DLG2: variants seen among roughly 807,000 people sequenced by gnomAD.
DLG2 encodes discs large MAGUK scaffold protein 2, also known as disks large homolog 2.
DLG2 carries 45 observed loss-of-function variants against 132.5 expected under a neutral mutation model. The ratio of observed to expected loss-of-function variants is 0.34; its 90% CI spans 0.27 to 0.44. The LOEUF is 0.44. Ranked by LOEUF, DLG2 falls within the 20% of genes least tolerant of loss-of-function variation. The pLI, the probability that DLG2 is intolerant of heterozygous loss-of-function variation, is 1.00. For synonymous variants in DLG2, 424 were observed against 419.6 expected, an observed-to-expected ratio of 1.01 and a Z score of -0.13; for missense variants, 1,045 against 1,196.9, an observed-to-expected ratio of 0.87 and a Z score of 1.87.
chr11:83,877,311 C>A (rs1216774573), intron 15 of DLG2, among the ~76,000 whole-genome samples: 1 of 151,980 alleles, frequency 6.6e-6, no homozygotes, highest in Admixed American at 6.6e-5. Flanking sequence ...AATTGTATAT[C>A]TTTTGTGCAA....
intron 7 of DLG2, among the ~76,000 whole-genome samples, chr11:84,517,511 T>C (rs554528677): frequency 2.0e-5 from 3 of 152,068 alleles, no homozygotes; most frequent in Admixed American, 2.0e-4. Context: ...CTGGCAAGGA[T>C]GTGGAAAAAA....
At position 85,456,832 on chromosome 11, in the gene DLG2, GGTTGGTATGAT is replaced by G. The variant is rs1409670654; in HGVS notation, c.40+141814_40+141824del. ...TTATTGTACTGTGATCTGAAAGTGT[GGTTGGTATGAT>G]ATCAATTGTTTTGAATTTGCCAAGG... On this transcript the variant is annotated intron_variant, in intron 3 of 27. Coordinates refer to ENST00000376104, the MANE Select transcript of DLG2 (RefSeq NM_001142699.3). 9.8e-5 allele frequency among the ~76,000 whole-genome samples: 15 copies of G among 152,286 alleles called. 1 individual carries two copies. Among genetic ancestry groups the G allele is most frequent in the African/African-American group, 3.4e-4 (14 of 41,558 alleles).
intron 6 of DLG2, among the ~76,000 whole-genome samples, chr11:84,570,779 AT>A (rs985090553): frequency 6.6e-6 from 1 of 152,116 alleles, no homozygotes. Flanking sequence ...TAGAAAATAT[AT>A]TTTGGTGCCT....
At chr11:85,466,265 G>C (rs1357492716) in intron 3 of DLG2, among the ~76,000 whole-genome samples, 2 of 152,188 alleles carry the variant, frequency 1.3e-5, no homozygotes. Context: ...TAGGTTGCCT[G>C]TTCACTCTGA....
intron 16 of DLG2, among the ~76,000 whole-genome samples, chr11:83,856,379 C>T (rs1246002898): frequency 6.6e-6 from 1 of 152,144 alleles, no homozygotes; most frequent in East Asian, 1.9e-4. Flanking sequence ...AATGGTATTT[C>T]TGACTCTAGG....
intron 6 of DLG2, among the ~76,000 whole-genome samples, chr11:84,873,778 A>G (rs947310516): frequency 9.9e-5 from 15 of 152,222 alleles, no homozygotes; most frequent in African/African-American, 3.6e-4. Context: ...CTCTTTAACC[A>G]TCTTTCCTGA....
chr11:84,603,043 A>T (rs957306813), intron 6 of DLG2, among the ~76,000 whole-genome samples: 1 of 152,028 alleles, frequency 6.6e-6, no homozygotes, highest in Non-Finnish European at 1.5e-5. Context: ...AGAATAAAAT[A>T]CTGAAAAATG....
chr11:84,537,015 A>T (rs2099357080), intron 6 of DLG2, among the ~76,000 whole-genome samples: 1 of 152,064 alleles, frequency 6.6e-6, no homozygotes, highest in Non-Finnish European at 1.5e-5. Context: ...GAAAACTTCC[A>T]ATGGCTCACA....
intron 11 of DLG2, among the ~76,000 whole-genome samples, chr11:84,045,986 T>A (rs549792426): frequency 1.5e-4 from 22 of 151,362 alleles, no homozygotes; most frequent in African/African-American, 5.3e-4. Flanking sequence ...GAAAAAAAAA[T>A]CCAGTGATGG....
chr11:84,110,537 G>A (rs1397413866), intron 9 of DLG2, among the ~76,000 whole-genome samples: 1 of 152,126 alleles, frequency 6.6e-6, no homozygotes, highest in Non-Finnish European at 1.5e-5. Flanking sequence ...AGGAAAATGG[G>A]GAAGCATCCA....
At chr11:85,402,940 C>T (rs1285332951) in intron 3 of DLG2, among the ~76,000 whole-genome samples, 1 of 152,126 alleles carries the variant, frequency 6.6e-6, no homozygotes, top group Admixed American at 6.6e-5. Flanking sequence ...GTGGCAATTC[C>T]TCAAGGATCT....
At chr11:84,296,964 G>A (rs573148967) in intron 7 of DLG2, among the ~76,000 whole-genome samples, 2 of 151,992 alleles carry the variant, frequency 1.3e-5, no homozygotes, top group African/African-American at 4.8e-5. Context: ...CTAAAGAGGG[G>A]GGAAAGGGTC....
At chr11:85,509,381 C>A (rs2094006289) in intron 3 of DLG2, among the ~76,000 whole-genome samples, 1 of 151,946 alleles carries the variant, frequency 6.6e-6, no homozygotes, top group African/African-American at 2.4e-5. Context: ...AAGGAATTCT[C>A]AAAAGTTGGG....
At chr11:83,834,235 C>A (rs1197605726) in intron 16 of DLG2, among the ~76,000 whole-genome samples, 1 of 152,072 alleles carries the variant, frequency 6.6e-6, no homozygotes, top group African/African-American at 2.4e-5. Flanking sequence ...CCATGGGGCT[C>A]ATTAGAAGAT....
intron 3 of DLG2, among the ~76,000 whole-genome samples, chr11:85,425,463 A>T (rs566511307): frequency 1.3e-5 from 2 of 152,162 alleles, no homozygotes; most frequent in South Asian, 2.1e-4. Context: ...TTTATACCCA[A>T]TGTTTTTGAG....
intron 3 of DLG2, among the ~76,000 whole-genome samples, chr11:85,397,660 C>G (rs1273453998): frequency 1.3e-5 from 2 of 152,028 alleles, no homozygotes; most frequent in Admixed American, 1.3e-4. Context: ...TTTAAACCAA[C>G]AAAGATCAAA....
At chr11:84,794,067 AT>A (rs1294253632) in intron 6 of DLG2, among the ~76,000 whole-genome samples, 1 of 151,944 alleles carries the variant, frequency 6.6e-6, no homozygotes, top group Non-Finnish European at 1.5e-5. Context: ...TATCTGTTGT[AT>A]GTTTTTTGAT....
intron 17 of DLG2, among the ~76,000 whole-genome samples, chr11:83,826,708 A>G (rs2052899872): frequency 1.3e-5 from 2 of 152,186 alleles, no homozygotes; most frequent in South Asian, 2.1e-4. Flanking sequence ...GTCCTGGCTG[A>G]TACAGTACCT....
chr11:84,024,471 C>T (rs746750889), intron 11 of DLG2, among the ~76,000 whole-genome samples: 11 of 152,048 alleles, frequency 7.2e-5, no homozygotes, highest in Non-Finnish European at 1.2e-4. Flanking sequence ...CTCATGTTCA[C>T]GGAAACAATG....
Sources: allele counts gnomAD v4.1 joint callset (sites outside exome capture counted in the v4.1 genomes callset), GRCh38; gene constraint gnomAD v4.1.1; transcripts MANE v1.5; gene names NCBI Gene and HGNC (gene_info 2026-07-23, HGNC 2026-07-21).